HYCC2: variants seen among roughly 807,000 people sequenced by gnomAD.
HYCC2 encodes hyccin 2.
the HYCC2 span, chr2:200,974,255 G>A: frequency 6.6e-6 from 1 of 151,126 alleles, no homozygotes; most frequent in South Asian, 2.1e-4. Flanking sequence ...ATCCTTTTAT[G>A]AAGCAAACAT....
At chr2:201,022,981 G>A in the HYCC2 span, 1 of 1,264,916 alleles carries the variant, frequency 7.9e-7, no homozygotes, top group African/African-American at 1.5e-5. Context: ...TGAGAAGCAA[G>A]GAACTTTATT....
At chr2:201,034,032 T>C in the HYCC2 span, among the ~76,000 whole-genome samples, 1 of 152,032 alleles carries the variant, frequency 6.6e-6, no homozygotes, top group African/African-American at 2.4e-5. Flanking sequence ...AATTCCTATT[T>C]GATCTTTCCT....
At chr2:200,981,652 A>G in the HYCC2 span, 3 of 1,614,178 alleles carry the variant, frequency 1.9e-6, no homozygotes, top group Non-Finnish European at 1.7e-6. This position sits in a 1 kb window ranked among gnomAD's most constrained non-coding sequence, Gnocchi z 4.5. Context: ...CTGCTTGCGA[A>G]CTACTGAATC....
At chr2:201,066,030 A>T in the HYCC2 span, among the ~76,000 whole-genome samples, 4 of 152,266 alleles carry the variant, frequency 2.6e-5, no homozygotes, top group Admixed American at 2.6e-4. Context: ...AAATACTGCA[A>T]ATTCAAATTA....
chr2:201,068,761 G>A, the HYCC2 span, among the ~76,000 whole-genome samples: 2 of 152,186 alleles, frequency 1.3e-5, no homozygotes, highest in East Asian at 1.9e-4. Context: ...GTAAGGAGCT[G>A]TACTCGGAAC....
At chr2:201,047,108 C>T in the HYCC2 span, among the ~76,000 whole-genome samples, 1 of 152,018 alleles carries the variant, frequency 6.6e-6, no homozygotes, top group African/African-American at 2.4e-5. Flanking sequence ...TTAGGAACTA[C>T]AAAAATAATT....
the HYCC2 span, chr2:200,981,494 A>G: frequency 6.2e-7 from 1 of 1,614,216 alleles, no homozygotes; most frequent in Non-Finnish European, 8.5e-7. The surrounding 1 kb of genome is among the most constrained non-coding windows in gnomAD (Gnocchi z 4.5). Context: ...ACATAGTCAA[A>G]TGATTTACTT....
the HYCC2 span, among the ~76,000 whole-genome samples, chr2:201,043,596 T>C: frequency 3.3e-5 from 5 of 150,970 alleles, no homozygotes; most frequent in African/African-American, 1.2e-4. Context: ...GCAAGCTCCG[T>C]CTCCCAGGTT....
chr2:201,018,205 T>G, the HYCC2 span, among the ~76,000 whole-genome samples: 1 of 152,172 alleles, frequency 6.6e-6, no homozygotes, highest in Non-Finnish European at 1.5e-5. Flanking sequence ...AAATAAACTT[T>G]CCCACTTTTC....
the HYCC2 span, chr2:200,992,205 G>T: frequency 1.1e-6 from 1 of 906,030 alleles, no homozygotes; most frequent in South Asian, 1.5e-5. Context: ...TAATTATTTG[G>T]ATTGTCTTAC....
At chr2:201,016,178 ATAG>A in the HYCC2 span, among the ~76,000 whole-genome samples, 2 of 151,840 alleles carry the variant, frequency 1.3e-5, no homozygotes, top group Non-Finnish European at 2.9e-5. Flanking sequence ...ACAATCAATT[ATAG>A]TAGTTTTACA....
the HYCC2 span, chr2:201,009,258 C>G: frequency 2.3e-6 from 1 of 431,064 alleles, no homozygotes. Flanking sequence ...TATATAAATT[C>G]TATAGCTTCT....
chr2:201,022,868 G>A, the HYCC2 span: 2 of 1,613,054 alleles, frequency 1.2e-6, no homozygotes, highest in Admixed American at 1.7e-5. Flanking sequence ...ATAGAGGGCT[G>A]GTACAAGTGT....
chr2:201,022,149 CTTTCAT>C, the HYCC2 span: 1 of 1,230,746 alleles, frequency 8.1e-7, no homozygotes, highest in Non-Finnish European at 1.1e-6. Flanking sequence ...CTGTGTGTTC[CTTTCAT>C]TTTCATTTTA....
chr2:201,043,190 C>T, the HYCC2 span, among the ~76,000 whole-genome samples: 4 of 152,032 alleles, frequency 2.6e-5, no homozygotes, highest in African/African-American at 7.2e-5. Flanking sequence ...GGATTAAGGG[C>T]GGTGCAAGTT....
At chr2:201,002,111 C>T in the HYCC2 span, among the ~76,000 whole-genome samples, 1 of 149,794 alleles carries the variant, frequency 6.7e-6, no homozygotes, top group South Asian at 2.1e-4. Context: ...TGCAAGTCAC[C>T]AGGAAAAAAA....
At chr2:201,008,614 G>C in the HYCC2 span, among the ~76,000 whole-genome samples, 137 of 152,118 alleles carry the variant, frequency 9.0e-4, no homozygotes, top group African/African-American at 3.3e-3. Context: ...AAATAAATGG[G>C]CCAGGTGCAG....
the HYCC2 span, among the ~76,000 whole-genome samples, chr2:201,047,458 A>G: frequency 6.6e-6 from 1 of 150,642 alleles, no homozygotes; most frequent in Non-Finnish European, 1.5e-5. Context: ...ATATATATAT[A>G]TATATATACA....
the HYCC2 span, among the ~76,000 whole-genome samples, chr2:201,042,785 G>A: frequency 1.0e-3 from 151 of 147,920 alleles, 1 homozygote; most frequent in Non-Finnish European, 1.8e-3. Flanking sequence ...GGTGGGGGGC[G>A]CCTCTGCCCA....
Sources: gnomAD v4.1 joint callset for allele counts (sites outside exome capture counted in the v4.1 genomes callset) on GRCh38, gnomAD v4.1.1 for gene constraint, Gnocchi (gnomAD v3.1) non-coding constraint, MANE v1.5 for transcripts, NCBI Gene and HGNC (gene_info 2026-07-23, HGNC 2026-07-21) for gene names.